The following SLC26A6 variants were observed in gnomAD, a reference collection of about 807,000 sequenced individuals.
SLC26A6 encodes the protein anion exchange transporter.
A neutral mutation model predicts 87.1 loss-of-function variants in SLC26A6; 67 were observed. The observed-to-expected ratio is 0.77, with a 90% CI of 0.63 to 0.94. The LOEUF is 0.94. SLC26A6 is among the 40% of genes least tolerant of loss of function. SLC26A6 has a pLI of 0.00. For missense variants in SLC26A6, 902 were observed against 973.0 expected, an observed-to-expected ratio of 0.93 and a Z score of 0.97; for synonymous variants, 414 against 405.9, an observed-to-expected ratio of 1.02 and a Z score of -0.24.
rs140681969 is a variant in SLC26A6 at position 48,627,635 on chromosome 3, T to G, written c.1893+311A>C. The G allele has an allele frequency of 2.6e-3, 651 of 248,988 alleles. 5 individuals carry two copies. Among genetic ancestry groups the G allele is most frequent in the African/African-American group, 0.014 (616 of 44,024 alleles). The allele number at this position is 248,988 out of a possible 1,614,324, so 15.4% of individuals were successfully genotyped here. On this transcript the variant is annotated intron_variant, in intron 17 of 20. Transcript: ENST00000395550. ...GACTACAGGCGCGTACCACCACGCC[T>G]GCCTTTGACCCCTTGATTTTCTCCC... is the stretch of plus-strand genomic sequence containing the variant.
At chr3:48,632,860 G>A (rs995537935) in intron 4 of SLC26A6, 114 bp downstream of exon 4, 6 of 1,049,760 alleles carry the variant, frequency 5.7e-6, no homozygotes, top group Non-Finnish European at 8.6e-6. Context: ...CAGGGATGCA[G>A]CACCAATGCT....
Position 48,630,080 on chromosome 3 carries a change from C to T in SLC26A6, c.1404G>A (p.Lys468=). 1.9e-6 allele frequency: 3 copies of T among 1,612,262 alleles called. No individual in the cohort carries two copies. The highest frequency in any genetic ancestry group is 2.5e-6 in the Non-Finnish European group (3 of 1,178,642). The change falls in exon 12 of 21, where the codon AAG becomes AAA. Residue 468 remains lysine, a synonymous_variant. Transcript: ENST00000395550. ...RQLSDMRSLW[K]ANRADLLIWL... ...CACTCACCAGATCCGCCCGATTGGCCTTCCAGAGGGAGCGCATGTCGCTGA... is the reference window on the plus strand; with the variant it reads ...CACTCACCAGATCCGCCCGATTGGCTTTCCAGAGGGAGCGCATGTCGCTGA...
In SLC26A6 at chr3:48,635,435, G is replaced by T; in HGVS notation, c.-42C>A. On this transcript the variant is annotated 5_prime_UTR_variant, in exon 1 of 21. Coordinates refer to ENST00000395550, the MANE Select transcript of SLC26A6 (RefSeq NM_022911.3). ...GGTGCGGGCTGCTCCTGCTGCTCGAGCTAGAGGCCGCTACGCTCCGGAAGG... is the reference window on the plus strand; with the variant it reads ...GGTGCGGGCTGCTCCTGCTGCTCGATCTAGAGGCCGCTACGCTCCGGAAGG... 1 of 1,558,022 alleles carries T rather than the reference G, an allele frequency of 6.4e-7. No homozygotes were observed. Among genetic ancestry groups the T allele is most frequent in the Non-Finnish European group, 8.7e-7 (1 of 1,153,204 alleles).
chr3:48,629,665 T>C lies in SLC26A6; in HGVS notation c.1576A>G (p.Arg526Gly). 7 of 1,613,308 alleles carry C rather than the reference T, an allele frequency of 4.3e-6. No homozygotes were observed. Among genetic ancestry groups the C allele is most frequent in the Non-Finnish European group, 5.9e-6 (7 of 1,179,666 alleles). ...ACCTCTGAGTACTCTGCCACATCTCTGTAAATATCCGTGTCTGGCACCTGC... is the reference window on the plus strand; with the variant it reads ...ACCTCTGAGTACTCTGCCACATCTCCGTAAATATCCGTGTCTGGCACCTGC... The part of the protein sequence containing the change: ...LGQVPDTDIY[R>G]DVAEYSEAKE... Residue 526 changes from arginine to glycine, a missense_variant, in exon 14 of 21, where the codon AGA (arginine) becomes GGA (glycine). Coordinates refer to ENST00000395550, the MANE Select transcript of SLC26A6 (RefSeq NM_022911.3).
chr3:48,627,867 T>C (rs890748794), intron 17 of SLC26A6, 79 bp downstream of exon 17: 11 of 1,383,092 alleles, frequency 8.0e-6, no homozygotes, highest in Non-Finnish European at 1.1e-5. Flanking sequence ...GCTGGGTCCA[T>C]GGCATTCCTC....
In SLC26A6 at chr3:48,630,493, A is replaced by T; in HGVS notation, c.1271T>A (p.Leu424His). ...NSQVAGAISS[L>H]FILLIIVKLG... ...TTTGACAATGATGAGGAGGATGAAA[A>T]GGGAAGAGATGGCTCCAGCAACCTG... Residue 424 changes from leucine (L) to histidine (H), a missense_variant, in exon 11 of 21, where the codon CTT becomes CAT. Physicochemically the swap from Leu to His is moderately conservative, Grantham distance 99. Around this residue, in one of 3 missense-constraint regions of SLC26A6, gnomAD observed 800 missense variants for 856.8 expected, o/e 0.93. Coordinates refer to ENST00000395550, the MANE Select transcript of SLC26A6 (RefSeq NM_022911.3). 1.9e-6 allele frequency: 3 copies of T among 1,561,778 alleles called. No individual in the cohort carries two copies. In the South Asian group the frequency reaches 3.5e-5, roughly 18 times the overall value.
At position 48,628,801 on chromosome 3, in the gene SLC26A6, C is replaced by A; in HGVS notation, c.1600-87G>T. On this transcript the variant is annotated intron_variant, in intron 14 of 20. Coordinates refer to ENST00000395550, the MANE Select transcript of SLC26A6 (RefSeq NM_022911.3). This position sits in a 1 kb window ranked among gnomAD's most constrained non-coding sequence, Gnocchi z 4.4. ...CCTGCCTTTCCTTCCCTAGTGTGCC[C>A]AGTGCCTGCCACCGCCCAGCCCTCT... 1.4e-6 allele frequency: 2 copies of A among 1,462,204 alleles called. No individual in the cohort carries two copies. The highest frequency in any genetic ancestry group is 1.9e-6 in the Non-Finnish European group (2 of 1,067,094). 90.6% of individuals were successfully genotyped at this position (1,462,204 alleles called of 1,614,324 possible).
chr3:48,630,296 G>A, intron 11 of SLC26A6, 139 bp from the exon 12 acceptor site: 2 of 1,299,780 alleles, frequency 1.5e-6, no homozygotes, highest in Non-Finnish European at 2.1e-6. Flanking sequence ...CCTGACCCTT[G>A]TCTCCAAATC....
Position 48,630,486 on chromosome 3 carries a change from G to C in SLC26A6, c.1278C>G (p.Ile426Met). ...QVAGAISSLFILLIIVKLGEL... is the reference protein window; with the variant it reads ...QVAGAISSLFMLLIIVKLGEL... ...CCCCAAGTTTGACAATGATGAGGAG[G>C]ATGAAAAGGGAAGAGATGGCTCCAG... Residue 426 changes from isoleucine (I) to methionine (M), a missense_variant, in exon 11 of 21, where the codon ATC (isoleucine) becomes ATG (methionine). Physicochemically the swap from Ile to Met is conservative, Grantham distance 10. Transcript: ENST00000395550. 6.4e-7 allele frequency: 1 copy of C among 1,561,648 alleles called. No homozygotes were observed. The highest frequency in any genetic ancestry group is 1.2e-5 in the South Asian group (1 of 84,610).
In SLC26A6 at chr3:48,628,944, G is replaced by C. The variant is rs188564383; in HGVS notation, c.1600-230C>G. 6.6e-5 allele frequency among the ~76,000 whole-genome samples: 10 copies of C among 152,246 alleles called. 1 individual carries two copies. The East Asian group carries it at 1.7e-3, about 26-fold the overall frequency. On this transcript the variant is annotated intron_variant, in intron 14 of 20. Coordinates refer to ENST00000395550, the MANE Select transcript of SLC26A6 (RefSeq NM_022911.3). This position sits in a 1 kb window ranked among gnomAD's most constrained non-coding sequence, Gnocchi z 4.4. The stretch of plus-strand genomic sequence containing the variant: ...ACCTCTCCTGCCACCACCCAGGCAG[G>C]CTTCACAGGCTCTTAACCTTTCTCT...
At chr3:48,633,118 G>A in intron 3 of SLC26A6, 34 bp from the exon 4 acceptor site, 1 of 1,596,972 alleles carries the variant, frequency 6.3e-7, no homozygotes, top group Non-Finnish European at 8.5e-7. Flanking sequence ...CAGGCCTGGA[G>A]AGCAGATCTT....
Position 48,631,659 on chromosome 3 carries a change from TC to T in SLC26A6, c.892del (p.Glu298SerfsTer17), listed in dbSNP as rs2106665557. The part of the protein sequence containing the change: ...QQQLPMPIPG[E>X]LLTLIGATGI... ...CCCTGGCCCTCGAACCGTGAGCAGC[TC>T]CCCGGGTATCGGCATGGGCAGCTGC... On this transcript the variant is annotated frameshift_variant, in exon 7 of 21. Transcript: ENST00000395550. LOFTEE classifies it high-confidence loss of function. The T allele has an allele frequency of 6.2e-7, 1 of 1,612,892 alleles. No individual in the cohort carries two copies. The highest frequency in any genetic ancestry group is 8.5e-7 in the Non-Finnish European group (1 of 1,179,830).
Position 48,631,028 on chromosome 3 carries a change from C to A in SLC26A6, c.1099G>T (p.Ala367Ser), listed in dbSNP as rs549074921. The A allele has an allele frequency of 6.2e-7, 1 of 1,613,836 alleles. No homozygotes were observed. Among genetic ancestry groups the A allele is most frequent in the African/African-American group, 1.3e-5 (1 of 75,050 alleles). The change falls in exon 9 of 21, where the codon GCC becomes TCC. Residue 367 changes from alanine to serine, a missense_variant. Around this residue, in one of 3 missense-constraint regions of SLC26A6, gnomAD observed 800 missense variants for 856.8 expected, o/e 0.93. Transcript: ENST00000395550. Reference sequence around the variant, plus strand: ...TCCACCCGGTAGCCGTGCCTCAGGGCGAAGATCTTCCCCAGTGAGATGGCA... The same window carrying A: ...TCCACCCGGTAGCCGTGCCTCAGGGAGAAGATCTTCCCCAGTGAGATGGCA... ...AIAISLGKIF[A>S]LRHGYRVDSN...
In SLC26A6 at chr3:48,632,167, C is replaced by CT. The variant is rs1281410094; in HGVS notation, c.585+77_585+78insA. Reference sequence around the variant, plus strand: ...CAAGAGGAGGACGACGATGGTCAGACACTCAGGGGAGTACAGACAGGACAG... The same window carrying CT: ...CAAGAGGAGGACGACGATGGTCAGACTACTCAGGGGAGTACAGACAGGACAG... On this transcript the variant is annotated intron_variant, in intron 5 of 20. Transcript: ENST00000395550. 361 of 1,574,398 alleles carry CT rather than the reference C, an allele frequency of 2.3e-4. 1 individual carries two copies. The highest frequency in any genetic ancestry group is 5.1e-4 in the Middle Eastern group (3 of 5,880).
At chr3:48,627,325 A>T (rs1402524030) in intron 17 of SLC26A6, 12 of 455,074 alleles carry the variant, frequency 2.6e-5, no homozygotes, top group Non-Finnish European at 2.0e-5. Flanking sequence ...TCCCTGTCCC[A>T]TTCTCATCAG....
Position 48,627,931 on chromosome 3 carries a change from C to T in SLC26A6, c.1893+15G>A. 1.3e-6 allele frequency: 2 copies of T among 1,580,050 alleles called. No individual in the cohort carries two copies. Among genetic ancestry groups the T allele is most frequent in the Non-Finnish European group, 1.7e-6 (2 of 1,168,302 alleles). ...AGCTCACAGCTGTCACCTCCTTTCC[C>T]ACCTCCAGTCTCACCATCATCTTGC... On this transcript the variant is annotated intron_variant, in intron 17 of 20. Transcript: ENST00000395550.
Position 48,631,053 on chromosome 3 carries a change from A to C in SLC26A6, c.1074T>G (p.Ile358Met). ...AFTIAVVGFA[I>M]AISLGKIFAL... is the part of the protein sequence containing the mutation. The stretch of plus-strand genomic sequence containing the variant: ...CGAAGATCTTCCCCAGTGAGATGGC[A>C]ATGGCAAACCCAACCACAGCGATGG... Residue 358 changes from isoleucine (I) to methionine (M), a missense_variant, in exon 9 of 21, where the codon ATT becomes ATG. Around this residue, in one of 3 missense-constraint regions of SLC26A6, gnomAD observed 800 missense variants for 856.8 expected, o/e 0.93. Coordinates refer to ENST00000395550, the MANE Select transcript of SLC26A6 (RefSeq NM_022911.3). 6.2e-7 allele frequency: 1 copy of C among 1,613,848 alleles called. No individual in the cohort carries two copies. Among genetic ancestry groups the C allele is most frequent in the Non-Finnish European group, 8.5e-7 (1 of 1,180,034 alleles).
chr3:48,631,946 G>A lies in SLC26A6; in HGVS notation c.684C>T (p.Val228=). 6 of 1,613,608 alleles carry A rather than the reference G, an allele frequency of 3.7e-6. No individual in the cohort carries two copies. Among genetic ancestry groups the A allele is most frequent in the Non-Finnish European group, 5.1e-6 (6 of 1,180,042 alleles). The change falls in exon 6 of 21, where the codon GTC becomes GTT. Residue 228 remains valine, a synonymous_variant. Coordinates refer to ENST00000395550, the MANE Select transcript of SLC26A6 (RefSeq NM_022911.3). ...GGCCAAACACATACTTGAGCTGTGAGACGAAGACCTGCACAGCTGCAGCTG... is the reference window on the plus strand; with the variant it reads ...GGCCAAACACATACTTGAGCTGTGAAACGAAGACCTGCACAGCTGCAGCTG... ...YTTAAAVQVF[V]SQLKYVFGLH...
chr3:48,632,454 C>T, intron 4 of SLC26A6, 58 bp from the exon 5 acceptor site: 10 of 1,572,932 alleles, frequency 6.4e-6, no homozygotes, highest in Non-Finnish European at 8.6e-6. Flanking sequence ...TGCCCTGGAG[C>T]CCTGGTCTTA....
Sources: gnomAD v4.1 joint callset for allele counts (sites outside exome capture counted in the v4.1 genomes callset) on GRCh38, gnomAD v4.1.1 for gene constraint, gnomAD v4.1.1 regional missense constraint, Gnocchi (gnomAD v3.1) non-coding constraint, MANE v1.5 for transcripts, NCBI Gene and HGNC (gene_info 2026-07-23, HGNC 2026-07-21) for gene names.